Variants in SPATA31D1 observed in about 807,000 individuals in gnomAD.
SPATA31D1 encodes the protein SPATA31 subfamily D member 1.
Under a neutral mutation model 13.2 loss-of-function variants are expected in SPATA31D1, and 6 were observed. The ratio of observed to expected loss-of-function variants is 0.46; its 90% CI spans 0.25 to 0.90. The LOEUF (loss-of-function observed/expected upper bound fraction) is 0.90, where lower values mean the gene tolerates loss of function less well. Among genes scored for constraint, SPATA31D1 ranks in the 40% least tolerant of loss-of-function variants. The probability of loss-of-function intolerance (pLI) is 0.18; values close to 1 mark genes in which losing one functional copy is unlikely to be tolerated. For missense variants in SPATA31D1, 2,445 were observed against 1,884.7 expected (o/e 1.30, Z -5.50); for synonymous variants, 903 against 718.8 (o/e 1.26, Z -4.10).
rs765414244 is a variant in SPATA31D1, at chr9:81,993,566, T to G, written c.3096T>G (p.Phe1032Leu). The G allele has an allele frequency of 6.2e-7, 1 of 1,613,696 alleles. No individual in the cohort carries two copies. Among genetic ancestry groups the G allele is most frequent in the African/African-American group, 1.3e-5 (1 of 74,852 alleles). ...CCCTTAGAAGAGGTACTACAGATTT[T>G]CAAAGCGAAAAATTAGATTCAACAA... ...STSLRRGTTDFQSEKLDSTSS... is the reference protein window; with the variant it reads ...STSLRRGTTDLQSEKLDSTSS... Residue 1032 changes from phenylalanine to leucine, a missense_variant, in exon 4 of 4, where the codon TTT (phenylalanine) becomes TTG (leucine). Transcript: ENST00000344803.
rs750110734 is a variant in SPATA31D1 at position 81,991,573 on chromosome 9, C to T, written c.1103C>T (p.Ser368Phe). 3.7e-6 allele frequency: 6 copies of T among 1,613,992 alleles called. No homozygotes were observed. Among genetic ancestry groups the T allele is most frequent in the Non-Finnish European group, 5.1e-6 (6 of 1,179,904 alleles). ...CAGCCTCATGCCAAGGACTCTTTTT[C>T]CTCTAATTTTGTGCCATCTGATTTC... ...WWQPHAKDSFSSNFVPSDFME... is the reference protein window; with the variant it reads ...WWQPHAKDSFFSNFVPSDFME... The change falls in exon 4 of 4, where the codon TCC (serine) becomes TTC (phenylalanine). Residue 368 changes from serine (S) to phenylalanine (F), a missense_variant. By Grantham distance (155) the Ser-to-Phe change is radical. Transcript: ENST00000344803.
rs1415154464 is a variant in SPATA31D1, at chr9:81,991,606, A to C, written c.1136A>C (p.Glu379Ala). Residue 379 changes from glutamate (E) to alanine (A), a missense_variant, in exon 4 of 4, where the codon GAG (glutamate) becomes GCG (alanine). Physicochemically the swap from Glu to Ala is moderately radical, Grantham distance 107 (BLOSUM62 -1). Transcript: ENST00000344803. ...TTTGTGCCATCTGATTTCATGGAGG[A>C]GCTTCTTACCCTTCATTCTTCTGAG... Reference protein sequence around the residue: ...SNFVPSDFMEELLTLHSSEAF... With the variant: ...SNFVPSDFMEALLTLHSSEAF... 6.2e-7 allele frequency: 1 copy of C among 1,613,756 alleles called. No homozygotes were observed. The highest frequency in any genetic ancestry group is 1.3e-5 in the African/African-American group (1 of 74,874).
chr9:81,990,905 T>G lies in SPATA31D1; in HGVS notation c.435T>G (p.Ser145=), dbSNP rs755348395. 6.2e-7 allele frequency: 1 copy of G among 1,613,834 alleles called. No individual in the cohort carries two copies. The highest frequency in any genetic ancestry group is 1.7e-5 in the Admixed American group (1 of 59,992). Residue 145 remains serine, a synonymous_variant, in exon 4 of 4, where the codon TCT becomes TCG. Coordinates refer to ENST00000344803, the MANE Select transcript of SPATA31D1 (RefSeq NM_001001670.3). ...CTGCTGATATCCAGCAACTGCTGTC[T>G]TGGGAGTCCCTGAAAGATGCTGCTC... ...RATADIQQLL[S]WESLKDAAPS... is the part of the protein sequence containing the mutation.
At position 81,991,593 on chromosome 9, in the gene SPATA31D1, G is replaced by T. The variant is rs1023422359; in HGVS notation, c.1123G>T (p.Asp375Tyr). Residue 375 changes from aspartate (D) to tyrosine (Y), a missense_variant, in exon 4 of 4, where the codon GAT (aspartate) becomes TAT (tyrosine). Coordinates refer to ENST00000344803, the MANE Select transcript of SPATA31D1 (RefSeq NM_001001670.3). ...DSFSSNFVPS[D>Y]FMEELLTLHS... ...TTTTTCCTCTAATTTTGTGCCATCT[G>T]ATTTCATGGAGGAGCTTCTTACCCT... 2 of 1,613,844 alleles carry T rather than the reference G, an allele frequency of 1.2e-6. No individual in the cohort carries two copies. The highest frequency in any genetic ancestry group is 2.2e-5 in the South Asian group (2 of 91,090).
Position 81,991,967 on chromosome 9 carries a change from A to G in SPATA31D1, c.1497A>G (p.Lys499=). ...SKCFEDHLEQ[K]YVQLFWGLPS... Reference sequence around the variant, plus strand: ...GCTTTGAAGACCATTTAGAGCAAAAATATGTCCAGCTCTTCTGGGGTCTCC... The same window carrying G: ...GCTTTGAAGACCATTTAGAGCAAAAGTATGTCCAGCTCTTCTGGGGTCTCC... The change falls in exon 4 of 4, where the codon AAA becomes AAG. Residue 499 remains lysine, a synonymous_variant. Coordinates refer to ENST00000344803, the MANE Select transcript of SPATA31D1 (RefSeq NM_001001670.3). The G allele has an allele frequency of 6.2e-7, 1 of 1,613,722 alleles. No homozygotes were observed. Among genetic ancestry groups the G allele is most frequent in the Non-Finnish European group, 8.5e-7 (1 of 1,179,706 alleles).
intron 3 of SPATA31D1, 46 bp from the exon 4 acceptor site, chr9:81,990,727 T>G (rs1824935451): frequency 1.9e-6 from 3 of 1,557,768 alleles, no homozygotes; most frequent in Non-Finnish European, 2.6e-6. Context: ...AACCCACCCC[T>G]GCCAGGCTAA....
intron 2 of SPATA31D1, 87 bp from the exon 3 acceptor site, chr9:81,990,328 CAG>C (rs2133437274): frequency 3.2e-6 from 3 of 927,870 alleles, no homozygotes; most frequent in East Asian, 2.6e-5. Flanking sequence ...TTGGGGCTCT[CAG>C]AGTTTAATAT....
Position 81,993,257 on chromosome 9 carries a change from C to A in SPATA31D1, c.2787C>A (p.Phe929Leu). Residue 929 changes from phenylalanine to leucine, a missense_variant, in exon 4 of 4, where the codon TTC (phenylalanine) becomes TTA (leucine). Physicochemically the swap from Phe to Leu is conservative, Grantham distance 22. Transcript: ENST00000344803. ...PLKVLESIEIFKSKADLSTSF... is the reference protein window; with the variant it reads ...PLKVLESIEILKSKADLSTSF... ...AGGTCCTTGAATCCATAGAAATCTTCAAATCGAAAGCGGACCTTTCCACTT... is the reference window on the plus strand; with the variant it reads ...AGGTCCTTGAATCCATAGAAATCTTAAAATCGAAAGCGGACCTTTCCACTT... 6.2e-7 allele frequency: 1 copy of A among 1,613,998 alleles called. No individual in the cohort carries two copies. Among genetic ancestry groups the A allele is most frequent in the East Asian group, 2.2e-5 (1 of 44,862 alleles).
At position 81,994,794 on chromosome 9, in the gene SPATA31D1, C is replaced by G; in HGVS notation, c.4324C>G (p.Gln1442Glu). ...CTTCCCAGTGGGGCTTGGGAAAGCT[C>G]AGCACAACCCAGAAGTGCATGTCAG... ...LSFPVGLGKA[Q>E]HNPEVHVRAE... Residue 1442 changes from glutamine to glutamate, a missense_variant, in exon 4 of 4, where the codon CAG becomes GAG. Transcript: ENST00000344803. The G allele has an allele frequency of 3.1e-6, 5 of 1,613,920 alleles. No homozygotes were observed. The highest frequency in any genetic ancestry group is 4.2e-6 in the Non-Finnish European group (5 of 1,179,860).
chr9:81,993,836 T>G lies in SPATA31D1; in HGVS notation c.3366T>G (p.Ala1122=). ...SAELPIMQAG[A]GCESWDKRKS... is the part of the protein sequence containing the mutation. Reference sequence around the variant, plus strand: ...AGCTGCCCATAATGCAAGCTGGAGCTGGCTGTGAGTCATGGGATAAGAGAA... The same window carrying G: ...AGCTGCCCATAATGCAAGCTGGAGCGGGCTGTGAGTCATGGGATAAGAGAA... Residue 1122 remains alanine (A), a synonymous_variant, in exon 4 of 4, where the codon GCT becomes GCG. Coordinates refer to ENST00000344803, the MANE Select transcript of SPATA31D1 (RefSeq NM_001001670.3). The G allele has an allele frequency of 2.5e-6, 4 of 1,614,026 alleles. No individual in the cohort carries two copies. The highest frequency in any genetic ancestry group is 3.4e-6 in the Non-Finnish European group (4 of 1,179,898).
chr9:81,991,860 T>G lies in SPATA31D1; in HGVS notation c.1390T>G (p.Leu464Val), dbSNP rs775978865. The G allele has an allele frequency of 6.2e-7, 1 of 1,613,820 alleles. No homozygotes were observed. The highest frequency in any genetic ancestry group is 8.5e-7 in the Non-Finnish European group (1 of 1,179,726). The change falls in exon 4 of 4, where the codon TTG becomes GTG. Residue 464 changes from leucine (L) to valine (V), a missense_variant. Coordinates refer to ENST00000344803, the MANE Select transcript of SPATA31D1 (RefSeq NM_001001670.3). ...MLTSIAVKHD[L>V]AESFPFWASK... ...AACCTCAATTGCTGTTAAGCATGAC[T>G]TGGCAGAATCCTTTCCTTTTTGGGC...
At position 81,990,435 on chromosome 9, in the gene SPATA31D1, G is replaced by T; in HGVS notation, c.251G>T (p.Ser84Ile). Residue 84 changes from serine (S) to isoleucine (I), a missense_variant, in exon 3 of 4, where the codon AGT becomes ATT. Physicochemically the swap from Ser to Ile is moderately radical, Grantham distance 142. Transcript: ENST00000344803. The stretch of plus-strand genomic sequence containing the variant: ...TATTCAGGTTTCCCAGACTGGAAAA[G>T]TTTCCAGAGAGAAGAGGAAGAGGAA... ...GTFKGFPDWK[S>I]FQREEEEERK... 9 of 1,608,192 alleles carry T rather than the reference G, an allele frequency of 5.6e-6. No homozygotes were observed. The highest frequency in any genetic ancestry group is 7.6e-6 in the Non-Finnish European group (9 of 1,177,166).
Position 81,990,022 on chromosome 9 carries a change from G to T in SPATA31D1, c.232+199G>T, listed in dbSNP as rs562123331. 3 of 611,410 alleles carry T rather than the reference G, an allele frequency of 4.9e-6. No homozygotes were observed. In the East Asian group the frequency reaches 8.8e-5, roughly 18 times the overall value. 37.9% of individuals were successfully genotyped at this position (611,410 alleles called of 1,614,324 possible). ...CCCTGCTCTGCCCATTTACGGGCAG[G>T]ACAAAGTGATGGACCTGAGCAATGG... On this transcript the variant is annotated intron_variant, in intron 2 of 3. Transcript: ENST00000344803.
chr9:81,992,529 C>G lies in SPATA31D1; in HGVS notation c.2059C>G (p.Leu687Val), dbSNP rs1305952680. The G allele has an allele frequency of 8.1e-6, 13 of 1,611,966 alleles. No homozygotes were observed. The highest frequency in any genetic ancestry group is 1.1e-5 in the Non-Finnish European group (13 of 1,179,738). Residue 687 changes from leucine (L) to valine (V), a missense_variant, in exon 4 of 4, where the codon CTA becomes GTA. Leu to Val is a conservative substitution (Grantham distance 32). Transcript: ENST00000344803. ...ACTCAGCTCTGAGGTAAGGAAGAAA[C>G]TAGAGCAACACATTCGAAGGAGGCT... is the stretch of plus-strand genomic sequence containing the variant. ...FPLSSEVRKK[L>V]EQHIRRRLIQ...
At position 81,990,941 on chromosome 9, in the gene SPATA31D1, C is replaced by T. The variant is rs371509995; in HGVS notation, c.471C>T (p.Ser157=). 101 of 1,613,760 alleles carry T rather than the reference C, an allele frequency of 6.3e-5. No individual in the cohort carries two copies. The highest frequency in any genetic ancestry group is 8.2e-5 in the Non-Finnish European group (97 of 1,179,868). ...ESLKDAAPSV[S]PLASSASATE... ...TGAAAGATGCTGCTCCCTCTGTGTC[C>T]CCTTTGGCTTCTTCGGCTTCTGCGA... The change falls in exon 4 of 4, where the codon TCC becomes TCT. Residue 157 remains serine (S), a synonymous_variant. Coordinates refer to ENST00000344803, the MANE Select transcript of SPATA31D1 (RefSeq NM_001001670.3).
Position 81,992,580 on chromosome 9 carries a change from C to T in SPATA31D1, c.2110C>T (p.Arg704Cys), listed in dbSNP as rs553658681. 130 of 1,612,194 alleles carry T rather than the reference C, an allele frequency of 8.1e-5. No homozygotes were observed. Among genetic ancestry groups the T allele is most frequent in the East Asian group, 1.3e-4 (6 of 44,870 alleles). ...CATCCAGCGCAGATGGGGCCTGCCC[C>T]GCAGAATCCATGAGTCTCTGTCATT... Reference protein sequence around the residue: ...RLIQRRWGLPRRIHESLSLLR... With the variant: ...RLIQRRWGLPCRIHESLSLLR... The change falls in exon 4 of 4, where the codon CGC (arginine) becomes TGC (cysteine). Residue 704 changes from arginine (R) to cysteine (C), a missense_variant. By Grantham distance (180) the Arg-to-Cys change is radical. Coordinates refer to ENST00000344803, the MANE Select transcript of SPATA31D1 (RefSeq NM_001001670.3).
chr9:81,990,502 C>A lies in SPATA31D1; in HGVS notation c.302+16C>A. Reference sequence around the variant, plus strand: ...TTCTGAAAAGGTGATTAATCTTTCCCTTTGTGTCCTGTTCCCACCCCACTC... The same window carrying A: ...TTCTGAAAAGGTGATTAATCTTTCCATTTGTGTCCTGTTCCCACCCCACTC... On this transcript the variant is annotated intron_variant, in intron 3 of 3. Transcript: ENST00000344803. The A allele has an allele frequency of 6.3e-7, 1 of 1,591,756 alleles. No homozygotes were observed. The highest frequency in any genetic ancestry group is 2.3e-5 in the East Asian group (1 of 44,360).
chr9:81,994,927 C>G lies in SPATA31D1; in HGVS notation c.4457C>G (p.Pro1486Arg). 1 of 1,613,964 alleles carries G rather than the reference C, an allele frequency of 6.2e-7. No individual in the cohort carries two copies. The highest frequency in any genetic ancestry group is 2.2e-5 in the East Asian group (1 of 44,868). ...QQAIFVGQNY[P>R]TRIRQIIDKD... ...GCTATCTTTGTTGGCCAGAATTATCCTACAAGGATTAGACAGATCATAGAC... is the reference window on the plus strand; with the variant it reads ...GCTATCTTTGTTGGCCAGAATTATCGTACAAGGATTAGACAGATCATAGAC... Residue 1486 changes from proline (P) to arginine (R), a missense_variant, in exon 4 of 4, where the codon CCT (proline) becomes CGT (arginine). Physicochemically the swap from Pro to Arg is moderately radical, Grantham distance 103. Coordinates refer to ENST00000344803, the MANE Select transcript of SPATA31D1 (RefSeq NM_001001670.3).
Position 81,990,397 on chromosome 9 carries a change from G to A in SPATA31D1, c.233-20G>A, listed in dbSNP as rs372108299. On this transcript the variant is annotated intron_variant, in intron 2 of 3. Coordinates refer to ENST00000344803, the MANE Select transcript of SPATA31D1 (RefSeq NM_001001670.3). Reference sequence around the variant, plus strand: ...TGAGCCGTGTGCCTCTATCTTCATTGCATATAACATACTATTCAGGTTTCC... The same window carrying A: ...TGAGCCGTGTGCCTCTATCTTCATTACATATAACATACTATTCAGGTTTCC... The A allele has an allele frequency of 2.5e-6, 4 of 1,582,332 alleles. No homozygotes were observed. The highest frequency in any genetic ancestry group is 3.4e-6 in the Non-Finnish European group (4 of 1,161,002).
Sources: allele counts gnomAD v4.1 joint callset, GRCh38; gene constraint gnomAD v4.1.1; transcripts MANE v1.5; gene names NCBI Gene and HGNC (gene_info 2026-07-23, HGNC 2026-07-21).